The following SMS variants were observed in gnomAD, a reference collection of about 807,000 sequenced individuals.
SMS encodes the protein spermidine aminopropyltransferase.
A neutral mutation model predicts 33.0 loss-of-function variants in SMS; 3 were observed. That is an observed-to-expected ratio of 0.09 (90% CI 0.04 to 0.23). SMS has a LOEUF of 0.23. SMS is among the 10% of genes least tolerant of loss of function. The pLI, the probability that SMS is intolerant of heterozygous loss-of-function variation, is 1.00. For synonymous variants in SMS, 103 were observed against 112.2 expected (o/e 0.92, Z 0.52); for missense variants, 117 against 288.6 (o/e 0.41, Z 4.31).
intron 1 of SMS, among the ~76,000 whole-genome samples, chrX:21,954,851 T>C (rs1922867528): frequency 9.0e-6 from 1 of 111,682 alleles, no homozygotes; most frequent in Non-Finnish European, 1.9e-5. Context: ...AGTATTGTTT[T>C]TTTTTGAGAC....
At chrX:21,993,377 C>T (rs1925882902) in intron 10 of SMS, among the ~76,000 whole-genome samples, 1 of 112,651 alleles carries the variant, frequency 8.9e-6, no homozygotes, top group Non-Finnish European at 1.9e-5. Flanking sequence ...AGAAGTAAAA[C>T]ACAGAAAGAA....
At chrX:21,987,941 A>G (rs1234046950) in intron 9 of SMS, among the ~76,000 whole-genome samples, 1 of 112,649 alleles carries the variant, frequency 8.9e-6, no homozygotes, top group Non-Finnish European at 1.9e-5. Flanking sequence ...ATACTACCAC[A>G]GCCCATTTGT....
chrX:21,959,122 A>C (rs1375975924), intron 1 of SMS, among the ~76,000 whole-genome samples: 1 of 112,182 alleles, frequency 8.9e-6, no homozygotes, highest in African/African-American at 3.2e-5. Flanking sequence ...AGCTGTTGTA[A>C]AAAGGACTAG....
intron 9 of SMS, among the ~76,000 whole-genome samples, chrX:21,988,828 A>AGGAAGCTG (rs1271375887): frequency 9.0e-6 from 1 of 111,259 alleles, no homozygotes; most frequent in African/African-American, 3.3e-5. Flanking sequence ...TCAGCATCCC[A>AGGAAGCTG]GGAAGCTGGG....
Position 21,978,105 on chromosome X carries a change from T to A in SMS, c.651T>A (p.Thr217=). Residue 217 remains threonine, a synonymous_variant, in exon 6 of 11, where the codon ACT becomes ACA. Transcript: ENST00000404933. ...EIVKLKPKMV[T]MVEIDQMVID... ...TCAAACTAAAACCAAAGATGGTCAC[T>A]ATGGTAGAGATATCCTTTGTTGTAT... 7 of 1,208,832 alleles carry A rather than the reference T, an allele frequency of 5.8e-6. No homozygotes were observed. Among genetic ancestry groups the A allele is most frequent in the Non-Finnish European group, 6.7e-6 (6 of 892,687 alleles).
At chrX:21,953,566 G>A (rs1176377136) in intron 1 of SMS, among the ~76,000 whole-genome samples, 5 of 111,993 alleles carry the variant, frequency 4.5e-5, no homozygotes, top group Middle Eastern at 4.6e-3. Flanking sequence ...CTTTCTCAGC[G>A]GGAACTGGGT....
rs943683904 is a variant in SMS at position 21,986,866 on chromosome X, C to T, written c.945+1643C>T. ...GTTGTGGTAGATACTGTATGATCTG[C>T]ACAGCCTAAAATATTTTCTATCAGA... On this transcript the variant is annotated intron_variant, in intron 9 of 10. Coordinates refer to ENST00000404933, the MANE Select transcript of SMS (RefSeq NM_004595.5). 2.7e-5 allele frequency among the ~76,000 whole-genome samples: 3 copies of T among 111,800 alleles called. No homozygotes were observed. In the Admixed American group the frequency reaches 2.9e-4, roughly 11 times the overall value.
At chrX:21,975,224 C>T (rs745471456) in intron 4 of SMS, among the ~76,000 whole-genome samples, 25 of 110,783 alleles carry the variant, frequency 2.3e-4, no homozygotes, top group African/African-American at 7.9e-4. Flanking sequence ...CCTGGTAGCC[C>T]GTTATAGGGC....
At chrX:21,977,475 A>G (rs1223172838) in intron 5 of SMS, among the ~76,000 whole-genome samples, 1 of 110,699 alleles carries the variant, frequency 9.0e-6, no homozygotes, top group Non-Finnish European at 1.9e-5. Context: ...AAGAAAATGC[A>G]TTTGCATATT....
At chrX:21,958,531 G>A (rs1268181760) in intron 1 of SMS, among the ~76,000 whole-genome samples, 1 of 112,189 alleles carries the variant, frequency 8.9e-6, no homozygotes, top group Non-Finnish European at 1.9e-5. Flanking sequence ...TTGCGGTTGC[G>A]TGACCATCAT....
intron 1 of SMS, among the ~76,000 whole-genome samples, chrX:21,945,639 C>A (rs185195649): frequency 0.028 from 1,955 of 69,544 alleles, 52 homozygotes; most frequent in African/African-American, 0.1. Flanking sequence ...TCCCGTCCCC[C>A]CCCCCACCCC....
At chrX:21,964,814 G>C (rs1056131516) in intron 1 of SMS, among the ~76,000 whole-genome samples, 3 of 111,896 alleles carry the variant, frequency 2.7e-5, no homozygotes, top group African/African-American at 9.8e-5. Context: ...CGAATTTTGG[G>C]CAGGTGTATT....
At chrX:21,941,298 G>T (rs1485593588) in intron 1 of SMS, 6 of 196,975 alleles carry the variant, frequency 3.0e-5, no homozygotes, top group South Asian at 5.2e-5. Flanking sequence ...TGACCCGCGC[G>T]GCGAGCCCGG....
chrX:21,973,220 C>T (rs1465990549), intron 4 of SMS, among the ~76,000 whole-genome samples: 3 of 112,276 alleles, frequency 2.7e-5, no homozygotes, highest in East Asian at 2.8e-4. Flanking sequence ...CTAGAAAACT[C>T]CTGACTTCAG....
chrX:21,990,320 C>T (rs73460664), intron 9 of SMS, among the ~76,000 whole-genome samples: 14,745 of 111,687 alleles, frequency 0.13, 1,441 homozygotes, highest in African/African-American at 0.34. Flanking sequence ...TTAAAATAAG[C>T]TTTGCTTTTC....
At chrX:21,972,057 A>G in intron 3 of SMS, 67 bp downstream of exon 3, 1 of 729,013 alleles carries the variant, frequency 1.4e-6, no homozygotes. Context: ...TAGTGTTAAA[A>G]TAATGTTCTC....
intron 1 of SMS, among the ~76,000 whole-genome samples, chrX:21,958,838 G>A (rs948984558): frequency 1.8e-5 from 2 of 112,820 alleles, no homozygotes; most frequent in African/African-American, 3.2e-5. Context: ...CATCACACAC[G>A]GCTAAGGATT....
chrX:21,950,456 AT>A (rs1922530139), intron 1 of SMS, among the ~76,000 whole-genome samples: 1 of 74,662 alleles, frequency 1.3e-5, no homozygotes, highest in African/African-American at 6.0e-5. Flanking sequence ...TTTTTTTTTA[AT>A]TTGAGTTCTG....
At chrX:21,944,539 A>ATAAAAAAAAAAAAAAAAAAAAAAAAAG (rs1555992681) in intron 1 of SMS, among the ~76,000 whole-genome samples, 1 of 81,439 alleles carries the variant, frequency 1.2e-5, no homozygotes, top group Non-Finnish European at 2.3e-5. Flanking sequence ...AAAAAAAAAA[A>ATAAAAAAAAAAAAAAAAAAAAAAAAAG]AAAAAAGAAA....
Sources: gnomAD v4.1 joint callset for allele counts (sites outside exome capture counted in the v4.1 genomes callset) on GRCh38, gnomAD v4.1.1 for gene constraint, MANE v1.5 for transcripts, NCBI Gene and HGNC (gene_info 2026-07-23, HGNC 2026-07-21) for gene names.